Variants in REPS1 observed in about 807,000 individuals in gnomAD.
REPS1 encodes ralBP1-associated Eps domain-containing protein 1.
Under a neutral mutation model 100.9 loss-of-function variants are expected in REPS1, and 39 were observed. The ratio of observed to expected loss-of-function variants is 0.39; its 90% CI spans 0.30 to 0.50. The LOEUF (loss-of-function observed/expected upper bound fraction) is 0.50. REPS1 is among the 20% of genes least tolerant of loss of function. The probability of loss-of-function intolerance (pLI) is 0.86; values close to 1 mark genes in which losing one functional copy is unlikely to be tolerated. For synonymous variants in REPS1, 324 were observed against 340.3 expected, an observed-to-expected ratio of 0.95 and a Z score of 0.53; for missense variants, 821 against 968.5, an observed-to-expected ratio of 0.85 and a Z score of 2.02.
At chr6:138,918,774 G>C (rs1780570155) in intron 12 of REPS1, among the ~76,000 whole-genome samples, 1 of 152,042 alleles carries the variant, frequency 6.6e-6, no homozygotes, top group Admixed American at 6.6e-5. Context: ...TTCTGCAGAG[G>C]AAACATTTAT....
chr6:138,971,158 T>C (rs1296127614), intron 1 of REPS1, among the ~76,000 whole-genome samples: 1 of 152,080 alleles, frequency 6.6e-6, no homozygotes, highest in Non-Finnish European at 1.5e-5. Flanking sequence ...CAGAAAAAAA[T>C]CTAACCATAA....
intron 8 of REPS1, among the ~76,000 whole-genome samples, chr6:138,932,942 C>T (rs1466497151): frequency 3.3e-5 from 5 of 152,262 alleles, no homozygotes; most frequent in Admixed American, 1.3e-4. Flanking sequence ...CACTTAAAGG[C>T]TTGATATGTT....
chr6:138,958,471 G>T (rs1186822128), intron 1 of REPS1, among the ~76,000 whole-genome samples: 2 of 150,964 alleles, frequency 1.3e-5, no homozygotes, highest in Admixed American at 1.3e-4. Flanking sequence ...TGCACCTATT[G>T]ACCTGTCCTC....
At chr6:138,925,156 G>A (rs1258561627) in intron 10 of REPS1, among the ~76,000 whole-genome samples, 1 of 150,832 alleles carries the variant, frequency 6.6e-6, no homozygotes, top group Non-Finnish European at 1.5e-5. Context: ...GATCAGCCTG[G>A]CCAACATGGT....
intron 1 of REPS1, among the ~76,000 whole-genome samples, chr6:138,948,490 C>T (rs746588159): frequency 2.8e-4 from 43 of 152,062 alleles, no homozygotes; most frequent in Non-Finnish European, 7.4e-5. Flanking sequence ...TTCTTTAAAA[C>T]AAACAAAATT....
intron 10 of REPS1, among the ~76,000 whole-genome samples, chr6:138,922,618 C>A (rs1280359638): frequency 6.6e-6 from 1 of 152,130 alleles, no homozygotes; most frequent in Non-Finnish European, 1.5e-5. Flanking sequence ...GGGCAGAAAC[C>A]AGAACCAGAT....
Position 138,945,516 on chromosome 6 carries a change from T to C in REPS1, c.459A>G (p.Thr153=). The change falls in exon 3 of 20, where the codon ACA becomes ACG. Residue 153 remains threonine, a synonymous_variant. Coordinates refer to ENST00000450536, the MANE Select transcript of REPS1 (RefSeq NM_001286611.2). ...ATGTGATTACCTGTGCATCTGCAGA[T>C]GTACGAGGCTGAACCGTATCATGGC... ...SVSHDTVQPR[T]SADAQEPASP... is the part of the protein sequence containing the mutation. 1 of 1,603,642 alleles carries C rather than the reference T, an allele frequency of 6.2e-7. No homozygotes were observed. The highest frequency in any genetic ancestry group is 8.5e-7 in the Non-Finnish European group (1 of 1,175,820).
At chr6:138,972,183 A>C (rs539570426) in intron 1 of REPS1, among the ~76,000 whole-genome samples, 1 of 152,322 alleles carries the variant, frequency 6.6e-6, no homozygotes, top group East Asian at 1.9e-4. Flanking sequence ...TGTTCAAATT[A>C]ATTTCCAAAA....
At chr6:138,913,012 A>G in intron 15 of REPS1, 62 bp from the exon 16 acceptor site, 1 of 1,404,900 alleles carries the variant, frequency 7.1e-7, no homozygotes, top group Non-Finnish European at 9.7e-7. Flanking sequence ...TCACAGAGTC[A>G]TCTTCTTCTT....
intron 1 of REPS1, among the ~76,000 whole-genome samples, chr6:138,964,495 A>G (rs80354090): frequency 0.088 from 13,384 of 152,146 alleles, 1,233 homozygotes; most frequent in African/African-American, 0.23. Context: ...TATATTAGGT[A>G]CTTTAACACA....
chr6:138,943,626 C>A, intron 6 of REPS1, 50 bp from the exon 7 acceptor site: 1 of 1,346,806 alleles, frequency 7.4e-7, no homozygotes, highest in Non-Finnish European at 1.0e-6. Context: ...CTTACGGATC[C>A]ACGAACAGAA....
rs189342216 is a variant in REPS1, at chr6:138,940,228, T to C, written c.1135+1107A>G. On this transcript the variant is annotated intron_variant, in intron 8 of 19. Transcript: ENST00000450536. ...TTTAGGTTAAAGAGATGCTGCCTGA[T>C]AGATAAATGCCCATTTGAGACCCAA... 5.6e-3 allele frequency among the ~76,000 whole-genome samples: 847 copies of C among 152,334 alleles called. 20 individuals are homozygous for C. The highest frequency in any genetic ancestry group is 0.05 in the Admixed American group (762 of 15,306).
intron 16 of REPS1, among the ~76,000 whole-genome samples, chr6:138,911,583 G>A (rs930034935): frequency 2.0e-5 from 3 of 152,208 alleles, no homozygotes; most frequent in African/African-American, 4.8e-5. Flanking sequence ...AGGGAGAGGA[G>A]GACAGGGCAA....
At chr6:138,906,197 C>T (rs1202603568) in intron 19 of REPS1, among the ~76,000 whole-genome samples, 1 of 152,182 alleles carries the variant, frequency 6.6e-6, no homozygotes, top group Non-Finnish European at 1.5e-5. Flanking sequence ...CATATAACTA[C>T]AAATGTCTTC....
chr6:138,960,884 G>T (rs1783691989), intron 1 of REPS1, among the ~76,000 whole-genome samples: 1 of 152,114 alleles, frequency 6.6e-6, no homozygotes, highest in Admixed American at 6.5e-5. Context: ...AAGTCATTAA[G>T]TATTGGGAAG....
chr6:138,984,245 G>T (rs913151102), intron 1 of REPS1, among the ~76,000 whole-genome samples: 2 of 151,938 alleles, frequency 1.3e-5, no homozygotes, highest in African/African-American at 4.8e-5. Context: ...CACCACATGC[G>T]GCTAATTTTG....
intron 1 of REPS1, among the ~76,000 whole-genome samples, chr6:138,976,232 T>C (rs565054417): frequency 4.6e-5 from 7 of 152,318 alleles, no homozygotes; most frequent in Admixed American, 3.3e-4. Context: ...TTCAAGGATA[T>C]AGATATTTCT....
In REPS1 at chr6:138,914,779, T is replaced by C. The variant is rs778365352; in HGVS notation, c.1721-18A>G. On this transcript the variant is annotated intron_variant, in intron 14 of 19. Transcript: ENST00000450536. ...TTGTTGTCCTGCATGAATACAAAAG[T>C]TCTTCTTTTTAGTAACTGTATAATC... The C allele has an allele frequency of 2.5e-6, 4 of 1,605,172 alleles. No homozygotes were observed. In the Admixed American group the frequency reaches 5.2e-5, roughly 21 times the overall value.
At chr6:138,982,008 C>T (rs1013285277) in intron 1 of REPS1, among the ~76,000 whole-genome samples, 2 of 152,204 alleles carry the variant, frequency 1.3e-5, no homozygotes, top group African/African-American at 2.4e-5. Flanking sequence ...AACACATTGA[C>T]TGTGACTTCT....
Sources: gnomAD v4.1 joint callset for allele counts (sites outside exome capture counted in the v4.1 genomes callset) on GRCh38, gnomAD v4.1.1 for gene constraint, MANE v1.5 for transcripts, NCBI Gene and HGNC (gene_info 2026-07-23, HGNC 2026-07-21) for gene names.